Variants in FNBP1L observed in about 807,000 individuals in gnomAD.
FNBP1L encodes formin-binding protein 1-like.
In FNBP1L, 36 loss-of-function variants were observed where a neutral mutation model predicts 91.2. That is an observed-to-expected ratio of 0.39 (90% CI 0.30 to 0.52). The LOEUF (loss-of-function observed/expected upper bound fraction) is 0.52, where lower values mean the gene tolerates loss of function less well. Among genes scored for constraint, FNBP1L ranks in the 20% least tolerant of loss-of-function variants. The probability of loss-of-function intolerance (pLI) is 0.66; values close to 1 mark genes in which losing one functional copy is unlikely to be tolerated. For synonymous variants in FNBP1L, 242 were observed against 237.0 expected (o/e 1.02, Z -0.19); for missense variants, 571 against 732.1 (o/e 0.78, Z 2.54).
At chr1:93,530,664 C>A in intron 6 of FNBP1L, 91 bp from the exon 7 acceptor site, 1 of 1,409,298 alleles carries the variant, frequency 7.1e-7, no homozygotes, top group Admixed American at 2.4e-5. Context: ...TTGGCTTCTT[C>A]ATTGATAAAA....
intron 1 of FNBP1L, among the ~76,000 whole-genome samples, chr1:93,496,440 C>T (rs183938374): frequency 2.0e-5 from 3 of 152,006 alleles, no homozygotes; most frequent in South Asian, 2.1e-4. Context: ...GGGTCTTGCT[C>T]TCTTACCCTG....
At position 93,520,366 on chromosome 1, in the gene FNBP1L, A is replaced by G. The variant is rs528378947; in HGVS notation, c.141-1716A>G. Among the ~76,000 whole-genome samples the G allele has an allele frequency of 4.3e-4, 65 of 152,358 alleles. 1 individual carries two copies. The highest frequency in any genetic ancestry group is 1.4e-3 in the Admixed American group (21 of 15,306). On this transcript the variant is annotated intron_variant, in intron 2 of 16. Coordinates refer to ENST00000271234, the MANE Select transcript of FNBP1L (RefSeq NM_001164473.3). ...TACTTTAAAACTGCTTATAGTTTTAAGCAGTGCATCTCAAATTGTTTGCGA... is the reference window on the plus strand; with the variant it reads ...TACTTTAAAACTGCTTATAGTTTTAGGCAGTGCATCTCAAATTGTTTGCGA...
At chr1:93,533,759 C>T (rs1318830249) in intron 8 of FNBP1L, among the ~76,000 whole-genome samples, 2 of 152,070 alleles carry the variant, frequency 1.3e-5, no homozygotes, top group African/African-American at 4.8e-5. Flanking sequence ...ATAGAATTCT[C>T]ACTTAAATTT....
At chr1:93,519,487 C>T (rs756287225) in intron 2 of FNBP1L, among the ~76,000 whole-genome samples, 1 of 152,136 alleles carries the variant, frequency 6.6e-6, no homozygotes, top group Non-Finnish European at 1.5e-5. Context: ...ACAGAGCCCT[C>T]TATTGTTCTT....
In FNBP1L at chr1:93,536,325, A is replaced by AT; in HGVS notation, c.991-6dup. 1.4e-6 allele frequency: 2 copies of AT among 1,456,120 alleles called. No individual in the cohort carries two copies. Among genetic ancestry groups the AT allele is most frequent in the Non-Finnish European group, 1.8e-6 (2 of 1,102,582 alleles). The allele number at this position is 1,456,120 out of a possible 1,614,324, so 90.2% of individuals were successfully genotyped here. A position where few individuals can be genotyped will look rare whatever the true frequency, so the allele number is the denominator to read the frequency against. ...CTTATTGATTCCTTTCTTTATTTCC[A>AT]TATTAGCCACAGTCCCCACCCTTAA... On this transcript the variant is annotated splice_region_variant and splice_polypyrimidine_tract_variant and intron_variant, in intron 9 of 16. Transcript: ENST00000271234.
At chr1:93,544,994 G>A (rs1392290942) in intron 12 of FNBP1L, among the ~76,000 whole-genome samples, 3 of 152,138 alleles carry the variant, frequency 2.0e-5, no homozygotes, top group Non-Finnish European at 4.4e-5. Flanking sequence ...TGGTCACAAT[G>A]TTTCAGTCAG....
chr1:93,450,815 G>T (rs976129282), intron 1 of FNBP1L, among the ~76,000 whole-genome samples: 1 of 152,098 alleles, frequency 6.6e-6, no homozygotes, highest in African/African-American at 2.4e-5. Flanking sequence ...TCTGTTTCTT[G>T]TAACAATCAT....
intron 2 of FNBP1L, among the ~76,000 whole-genome samples, chr1:93,510,776 GA>G (rs1464115340): frequency 3.3e-5 from 5 of 152,116 alleles, no homozygotes; most frequent in Non-Finnish European, 7.3e-5. Context: ...TGATGGAGCT[GA>G]AAACCAAGGC....
intron 9 of FNBP1L, 44 bp from the exon 10 acceptor site, chr1:93,536,288 A>C: frequency 7.5e-7 from 1 of 1,334,446 alleles, no homozygotes; most frequent in Non-Finnish European, 9.7e-7. Context: ...GGAGAAAACT[A>C]TGCACATTTG....
intron 4 of FNBP1L, 121 bp downstream of exon 4, chr1:93,523,612 C>G (rs1671403268): frequency 2.1e-6 from 2 of 964,350 alleles, no homozygotes; most frequent in Non-Finnish European, 2.9e-6. Flanking sequence ...TACATTTCTT[C>G]TAGCTAAAAA....
intron 1 of FNBP1L, among the ~76,000 whole-genome samples, chr1:93,456,161 G>A (rs1358642842): frequency 6.6e-6 from 1 of 152,090 alleles, no homozygotes; most frequent in East Asian, 1.9e-4. Flanking sequence ...GAATCTGTAT[G>A]GAGCCCAAGA....
At chr1:93,546,054 G>A (rs936843349) in intron 12 of FNBP1L, among the ~76,000 whole-genome samples, 16 of 152,108 alleles carry the variant, frequency 1.1e-4, no homozygotes, top group African/African-American at 3.6e-4. Flanking sequence ...ATCTGAAGAT[G>A]GATGATATTA....
chr1:93,504,432 CATGTGGA>C (rs1483246932), intron 2 of FNBP1L, among the ~76,000 whole-genome samples: 3 of 152,190 alleles, frequency 2.0e-5, no homozygotes, highest in Admixed American at 2.0e-4. Context: ...CCTCCCCAGC[CATGTGGA>C]ACTATAATTC....
intron 1 of FNBP1L, among the ~76,000 whole-genome samples, chr1:93,489,572 C>T (rs1670028531): frequency 1.3e-5 from 2 of 151,668 alleles, no homozygotes; most frequent in African/African-American, 2.4e-5. Flanking sequence ...AAAAAAATTG[C>T]AGTAGGGTAT....
intron 2 of FNBP1L, among the ~76,000 whole-genome samples, chr1:93,517,169 G>C (rs554750794): frequency 6.6e-6 from 1 of 150,862 alleles, no homozygotes; most frequent in African/African-American, 2.4e-5. Flanking sequence ...TCACCCTCCC[G>C]AGTAGCTGAG....
At chr1:93,547,131 A>G (rs1050918735) in intron 13 of FNBP1L, among the ~76,000 whole-genome samples, 157 bp downstream of exon 13, 1 of 152,168 alleles carries the variant, frequency 6.6e-6, no homozygotes, top group Non-Finnish European at 1.5e-5. Flanking sequence ...TAATCTCATT[A>G]AAGTTTTTTA....
At chr1:93,536,760 ATTGTC>A (rs1417208199) in intron 10 of FNBP1L, among the ~76,000 whole-genome samples, 2 of 152,022 alleles carry the variant, frequency 1.3e-5, no homozygotes, top group Non-Finnish European at 2.9e-5. Flanking sequence ...TATGTTCACC[ATTGTC>A]TTGTAATGTA....
chr1:93,554,106 A>T lies in FNBP1L; in HGVS notation c.*1690A>T, dbSNP rs1672500773. Reference sequence around the variant, plus strand: ...CATATAGTGTATTACCTTTGCAGCTAGTAAACTATAAAGTTTAGATATTGA... The same window carrying T: ...CATATAGTGTATTACCTTTGCAGCTTGTAAACTATAAAGTTTAGATATTGA... On this transcript the variant is annotated 3_prime_UTR_variant, in exon 17 of 17. Transcript: ENST00000271234. 6.5e-6 allele frequency: 1 copy of T among 152,688 alleles called. No individual in the cohort carries two copies. The highest frequency in any genetic ancestry group is 1.5e-5 in the Non-Finnish European group (1 of 68,044). The allele number at this position is 152,688 out of a possible 1,614,324, so 9.5% of individuals were successfully genotyped here.
chr1:93,517,525 C>T (rs1481269429), intron 2 of FNBP1L, among the ~76,000 whole-genome samples: 1 of 152,178 alleles, frequency 6.6e-6, no homozygotes, highest in Non-Finnish European at 1.5e-5. Context: ...AATCCCTTCT[C>T]TTGGGTTTTC....
Sources: allele counts gnomAD v4.1 joint callset (sites outside exome capture counted in the v4.1 genomes callset), GRCh38; gene constraint gnomAD v4.1.1; transcripts MANE v1.5; gene names NCBI Gene and HGNC (gene_info 2026-07-23, HGNC 2026-07-21).